Variants in PLCD4 observed in about 807,000 individuals in gnomAD.
PLCD4 encodes phospholipase C delta 4.
Under a neutral mutation model 90.2 loss-of-function variants are expected in PLCD4, and 63 were observed. The observed-to-expected ratio is 0.70, with a 90% CI of 0.57 to 0.86. PLCD4 has a LOEUF of 0.86. Ranked by LOEUF, PLCD4 falls within the 40% of genes least tolerant of loss-of-function variation. The probability of loss-of-function intolerance (pLI) is 0.00; values close to 1 mark genes in which losing one functional copy is unlikely to be tolerated. For missense variants in PLCD4, 830 were observed against 956.3 expected (o/e 0.87, Z 1.74); for synonymous variants, 294 against 356.5 (o/e 0.82, Z 1.97).
chr2:218,621,633 C>T (rs774561457), intron 5 of PLCD4, 34 bp downstream of exon 5: 4 of 1,612,280 alleles, frequency 2.5e-6, no homozygotes, highest in Non-Finnish European at 3.4e-6. Flanking sequence ...CAGCGGCCAA[C>T]CAGGCCACAT....
rs201701358 is a variant in PLCD4 at position 218,630,796 on chromosome 2, G to T, written c.1266G>T (p.Ser422=). The T allele has an allele frequency of 1.9e-6, 3 of 1,611,620 alleles. No homozygotes were observed. The African/African-American group carries it at 4.0e-5, about 22-fold the overall frequency. ...GGGTGCTGCCCACTCAGCTGCCCTC[G>T]CCTGAGGTAGGGACACTGTTCCTCC... ...LDGVLPTQLP[S]PEELRRKILV... The change falls in exon 9 of 16, where the codon TCG becomes TCT. Residue 422 remains serine, a synonymous_variant. Coordinates refer to ENST00000450993, the MANE Select transcript of PLCD4 (RefSeq NM_032726.4).
At position 218,636,270 on chromosome 2, in the gene PLCD4, T is replaced by C. The variant is rs1462810429; in HGVS notation, c.2060T>C (p.Leu687Pro). 1 of 1,614,028 alleles carries C rather than the reference T, an allele frequency of 6.2e-7. No individual in the cohort carries two copies. The highest frequency in any genetic ancestry group is 2.2e-5 in the East Asian group (1 of 44,890). The change falls in exon 15 of 16, where the codon CTA becomes CCA. Residue 687 changes from leucine to proline, a missense_variant. By Grantham distance (98) the Leu-to-Pro change is moderately conservative. Transcript: ENST00000450993. Reference protein sequence around the residue: ...NGFNPYWGQTLCFRVLVPELA... With the variant: ...NGFNPYWGQTPCFRVLVPELA... The stretch of plus-strand genomic sequence containing the variant: ...TTTAATCCATACTGGGGGCAGACAC[T>C]ATGTTTCCGGGTGCTGGTGCCTGAA...
At position 218,622,589 on chromosome 2, in the gene PLCD4, A is replaced by T. The variant is rs1332116327; in HGVS notation, c.541-58A>T. 3.0e-6 allele frequency: 4 copies of T among 1,311,704 alleles called. No homozygotes were observed. The Admixed American group carries it at 1.1e-4, about 38-fold the overall frequency. The allele number at this position is 1,311,704 out of a possible 1,614,324, so 81.3% of individuals were successfully genotyped here. A position where few individuals can be genotyped will look rare whatever the true frequency, so the allele number is the denominator to read the frequency against. On this transcript the variant is annotated intron_variant, in intron 5 of 15. Coordinates refer to ENST00000450993, the MANE Select transcript of PLCD4 (RefSeq NM_032726.4). ...ATTTAAAAAAAAATTTTTTTAATTA[A>T]AAAGATAACATTTCCCATTAAAAGT...
rs1357840015 is a variant in PLCD4, at chr2:218,628,119, T to C, written c.863T>C (p.Ile288Thr). The change falls in exon 7 of 16, where the codon ATC becomes ACC. Residue 288 changes from isoleucine (I) to threonine (T), a missense_variant. Transcript: ENST00000450993. The part of the protein sequence containing the change: ...GDIFNPACLP[I>T]YQDMTQPLNH... Reference sequence around the variant, plus strand: ...ATCTTCAACCCAGCCTGCCTCCCCATCTATCAGGATATGACTCAACCCCTG... The same window carrying C: ...ATCTTCAACCCAGCCTGCCTCCCCACCTATCAGGATATGACTCAACCCCTG... 3 of 1,614,008 alleles carry C rather than the reference T, an allele frequency of 1.9e-6. No homozygotes were observed. Among genetic ancestry groups the C allele is most frequent in the Non-Finnish European group, 2.5e-6 (3 of 1,179,858 alleles).
chr2:218,632,604 C>CGAGA (rs953894573), intron 10 of PLCD4, among the ~76,000 whole-genome samples: 2 of 152,226 alleles, frequency 1.3e-5, no homozygotes, highest in Admixed American at 1.3e-4. Context: ...ACCCATTTGG[C>CGAGA]TCTCTCCTGG....
rs773968756 is a variant in PLCD4 at position 218,633,644 on chromosome 2, G to C, written c.1489G>C (p.Val497Leu). 6.2e-7 allele frequency: 1 copy of C among 1,613,486 alleles called. No individual in the cohort carries two copies. Among genetic ancestry groups the C allele is most frequent in the South Asian group, 1.1e-5 (1 of 91,058 alleles). Residue 497 changes from valine to leucine, a missense_variant, in exon 11 of 16, where the codon GTT becomes CTT. Transcript: ENST00000450993. Reference sequence around the variant, plus strand: ...CTTGTGTCCAGCCCTCTCTTCCCTGGTTATCTACTTGAAGTCTGTCTCATT... The same window carrying C: ...CTTGTGTCCAGCCCTCTCTTCCCTGCTTATCTACTTGAAGTCTGTCTCATT... ...PILCPALSSL[V>L]IYLKSVSFRS... is the part of the protein sequence containing the mutation.
At position 218,618,675 on chromosome 2, in the gene PLCD4, T is replaced by C. The variant is rs748949666; in HGVS notation, c.278T>C (p.Ile93Thr). The C allele has an allele frequency of 3.7e-6, 6 of 1,613,976 alleles. No homozygotes were observed. The highest frequency in any genetic ancestry group is 1.7e-5 in the Admixed American group (1 of 60,024). Residue 93 changes from isoleucine to threonine, a missense_variant, in exon 4 of 16, where the codon ATT becomes ACT. Physicochemically the swap from Ile to Thr is moderately conservative, Grantham distance 89. Transcript: ENST00000450993. ...CTCCCCCTGGAGCAGGGCTTCACCA[T>C]TGTCTTCCATGGCCGCCGCTCCAAC... ...EELPLEQGFTIVFHGRRSNLD... is the reference protein window; with the variant it reads ...EELPLEQGFTTVFHGRRSNLD...
chr2:218,616,540 T>C (rs1490731946), intron 3 of PLCD4, among the ~76,000 whole-genome samples: 1 of 151,904 alleles, frequency 6.6e-6, no homozygotes, highest in Non-Finnish European at 1.5e-5. Context: ...AGGGAGATCC[T>C]GTCTCTATAA....
chr2:218,634,422 G>A lies in PLCD4; in HGVS notation c.1724-36G>A, dbSNP rs2106167383. 3 of 1,599,094 alleles carry A rather than the reference G, an allele frequency of 1.9e-6. No homozygotes were observed. The highest frequency in any genetic ancestry group is 2.6e-6 in the Non-Finnish European group (3 of 1,172,256). On this transcript the variant is annotated intron_variant, in intron 12 of 15. Transcript: ENST00000450993. The surrounding 1 kb of genome is among the most constrained non-coding windows in gnomAD (Gnocchi z 4.0). ...AAAGAGGGGCTGGAAGGCCTCCATG[G>A]TGAATCTTGCTCTTCTTTTCTCCTG...
At position 218,636,478 on chromosome 2, in the gene PLCD4, C is replaced by T. The variant is rs772560475; in HGVS notation, c.2190C>T (p.Arg730=). ...TCCTCCTGCCCCTTCCAGGTTACCG[C>T]CACATTCACCTGCTGTCCAAAGATG... The part of the protein sequence containing the change: ...LPWTCMQQGY[R]HIHLLSKDGI... The change falls in exon 16 of 16, where the codon CGC becomes CGT. Residue 730 remains arginine, a synonymous_variant. Transcript: ENST00000450993. The T allele has an allele frequency of 2.5e-6, 4 of 1,613,924 alleles. No individual in the cohort carries two copies. The African/African-American group carries it at 4.0e-5, about 16-fold the overall frequency.
intron 6 of PLCD4, among the ~76,000 whole-genome samples, chr2:218,625,182 T>A (rs1696064064): frequency 7.7e-6 from 1 of 130,226 alleles, no homozygotes; most frequent in African/African-American, 2.9e-5. Flanking sequence ...CTGTGCAGAA[T>A]CCAGTAAACA....
At chr2:218,628,364 C>T in intron 7 of PLCD4, 134 bp downstream of exon 7, 3 of 800,248 alleles carry the variant, frequency 3.7e-6, no homozygotes, top group East Asian at 2.5e-5. Context: ...ATACCAGAGA[C>T]ACTTGGAGGA....
At chr2:218,624,799 G>C (rs1696034278) in intron 6 of PLCD4, among the ~76,000 whole-genome samples, 1 of 151,552 alleles carries the variant, frequency 6.6e-6, no homozygotes, top group South Asian at 2.1e-4. Context: ...AAATCGAAGA[G>C]AGTTAAAAGT....
intron 3 of PLCD4, among the ~76,000 whole-genome samples, chr2:218,618,074 G>A (rs1182652179): frequency 4.0e-5 from 6 of 150,742 alleles, no homozygotes; most frequent in South Asian, 4.2e-4. Flanking sequence ...GCAACAGAGC[G>A]AGACTCCATG....
chr2:218,628,294 C>A, intron 7 of PLCD4, 64 bp downstream of exon 7: 1 of 1,487,232 alleles, frequency 6.7e-7, no homozygotes, highest in Non-Finnish European at 9.3e-7. Context: ...GTGAGGGGAG[C>A]TGTCAGTGTC....
At position 218,615,779 on chromosome 2, in the gene PLCD4, T is replaced by C. The variant is rs1695550914; in HGVS notation, c.22+18T>C. 6.2e-7 allele frequency: 1 copy of C among 1,604,388 alleles called. No homozygotes were observed. Among genetic ancestry groups the C allele is most frequent in the South Asian group, 1.1e-5 (1 of 89,562 alleles). Reference sequence around the variant, plus strand: ...GCAAGACCGTGAGTGCCGGGGCCCCTGCAGGGGAAGAGGCCTTAGTGTACA... The same window carrying C: ...GCAAGACCGTGAGTGCCGGGGCCCCCGCAGGGGAAGAGGCCTTAGTGTACA... On this transcript the variant is annotated intron_variant, in intron 2 of 15. Transcript: ENST00000450993.
At chr2:218,610,796 C>T (rs1340073512) in intron 1 of PLCD4, among the ~76,000 whole-genome samples, 7 of 151,964 alleles carry the variant, frequency 4.6e-5, no homozygotes, top group Admixed American at 1.3e-4. Context: ...GGCGCCATCT[C>T]GGCTCACTGC....
At chr2:218,618,185 T>C (rs1695708206) in intron 3 of PLCD4, among the ~76,000 whole-genome samples, 1 of 152,244 alleles carries the variant, frequency 6.6e-6, no homozygotes, top group South Asian at 2.1e-4. Context: ...GCCTTTCAAA[T>C]GTATGTCCAT....
intron 1 of PLCD4, among the ~76,000 whole-genome samples, chr2:218,613,470 C>T (rs591573): frequency 0.64 from 95,812 of 150,112 alleles, 30,784 homozygotes; most frequent in East Asian, 0.9. Context: ...TCACAATATA[C>T]TTCTATTCAA....
Sources: gnomAD v4.1 joint callset for allele counts (sites outside exome capture counted in the v4.1 genomes callset) on GRCh38, gnomAD v4.1.1 for gene constraint, Gnocchi (gnomAD v3.1) non-coding constraint, MANE v1.5 for transcripts, NCBI Gene and HGNC (gene_info 2026-07-23, HGNC 2026-07-21) for gene names.